TCF20: variants seen among roughly 807,000 people sequenced by gnomAD.
TCF20 encodes SPRE-binding protein.
Under a neutral mutation model 148.6 loss-of-function variants are expected in TCF20, and 3 were observed. That is an observed-to-expected ratio of 0.02 (90% CI 0.01 to 0.05). TCF20 has a LOEUF of 0.05. Ranked by LOEUF, TCF20 falls within the 10% of genes least tolerant of loss-of-function variation. The pLI, the probability that TCF20 is intolerant of heterozygous loss-of-function variation, is 1.00. For synonymous variants in TCF20, 1,049 were observed against 909.5 expected, an observed-to-expected ratio of 1.15 and a Z score of -2.76; for missense variants, 2,350 against 2,429.3, an observed-to-expected ratio of 0.97 and a Z score of 0.69.
At chr22:42,229,929 A>G (rs1250551328) in intron 1 of TCF20, among the ~76,000 whole-genome samples, 1 of 152,216 alleles carries the variant, frequency 6.6e-6, no homozygotes, top group Non-Finnish European at 1.5e-5. Context: ...TGTAACAAAC[A>G]TGTCTCACAT....
intron 1 of TCF20, among the ~76,000 whole-genome samples, chr22:42,233,224 A>C (rs1358894060): frequency 6.6e-6 from 1 of 152,156 alleles, no homozygotes; most frequent in East Asian, 1.9e-4. Context: ...ACCCAGCTGC[A>C]ATGCAATATA....
At chr22:42,240,896 C>G (rs752677091) in intron 1 of TCF20, among the ~76,000 whole-genome samples, 4 of 152,084 alleles carry the variant, frequency 2.6e-5, no homozygotes, top group Admixed American at 6.5e-5. Context: ...CTCTGTCCCC[C>G]CCAGGCTGGA....
intron 1 of TCF20, among the ~76,000 whole-genome samples, chr22:42,244,556 G>A (rs1924747607): frequency 6.6e-6 from 1 of 152,268 alleles, no homozygotes; most frequent in East Asian, 1.9e-4. Context: ...CATATTGTAC[G>A]ATTCCATCTA....
chr22:42,321,248 A>G (rs1239774150), intron 1 of TCF20, among the ~76,000 whole-genome samples: 1 of 152,198 alleles, frequency 6.6e-6, no homozygotes, highest in Non-Finnish European at 1.5e-5. Context: ...GCCTGGCACC[A>G]GGGATGGGCA....
chr22:42,231,348 G>T (rs1192362752), intron 1 of TCF20, among the ~76,000 whole-genome samples: 1 of 152,106 alleles, frequency 6.6e-6, no homozygotes, highest in Non-Finnish European at 1.5e-5. Flanking sequence ...GCCAAGCACG[G>T]TGGTATGCAC....
rs567571695 is a variant in TCF20, at chr22:42,263,088, A to C, written c.-37+7251T>G. On this transcript the variant is annotated intron_variant, in intron 1 of 5. Transcript: ENST00000677622. ...TTAGTGCCTTCCCCCAACAGCCCAAAAGAAGATATATCTCCGTTGCACAGA... is the reference window on the plus strand; with the variant it reads ...TTAGTGCCTTCCCCCAACAGCCCAACAGAAGATATATCTCCGTTGCACAGA... 8.5e-5 allele frequency among the ~76,000 whole-genome samples: 13 copies of C among 152,230 alleles called. No homozygotes were observed. The East Asian group carries it at 2.3e-3, about 27-fold the overall frequency.
At chr22:42,306,161 C>T (rs1428123982) in intron 1 of TCF20, among the ~76,000 whole-genome samples, 2 of 152,256 alleles carry the variant, frequency 1.3e-5, no homozygotes, top group Non-Finnish European at 2.9e-5. Context: ...ATGGCTAAGC[C>T]GGAGACGGAG....
chr22:42,200,493 T>C (rs1937926702), intron 2 of TCF20, among the ~76,000 whole-genome samples: 1 of 151,906 alleles, frequency 6.6e-6, no homozygotes, highest in African/African-American at 2.4e-5. Flanking sequence ...AATACAAAAA[T>C]TAGTCGGCAT....
intron 5 of TCF20, among the ~76,000 whole-genome samples, chr22:42,166,289 C>T (rs1418456736): frequency 4.6e-5 from 7 of 152,192 alleles, no homozygotes; most frequent in Admixed American, 6.5e-5. Flanking sequence ...TGTGCTTCAA[C>T]CCAGAAGGAT....
At chr22:42,162,906 C>A (rs902240967) in intron 5 of TCF20, among the ~76,000 whole-genome samples, 1 of 152,178 alleles carries the variant, frequency 6.6e-6, no homozygotes, top group African/African-American at 2.4e-5. Flanking sequence ...TAAGCAGGAA[C>A]ACACACAGAG....
chr22:42,170,464 A>G (rs1381168189), intron 3 of TCF20, among the ~76,000 whole-genome samples: 1 of 151,538 alleles, frequency 6.6e-6, no homozygotes, highest in Non-Finnish European at 1.5e-5. Context: ...CTACTATCAC[A>G]TCACTGCACT....
chr22:42,209,610 A>T (rs1355345782), intron 2 of TCF20, 41 bp downstream of exon 2: 2 of 1,541,626 alleles, frequency 1.3e-6, no homozygotes, highest in Non-Finnish European at 1.7e-6. Context: ...GAACCAAATG[A>T]AATAAAAATC....
intron 1 of TCF20, among the ~76,000 whole-genome samples, chr22:42,221,054 C>T (rs1424668961): frequency 4.6e-5 from 7 of 152,212 alleles, no homozygotes; most frequent in Admixed American, 4.6e-4. Context: ...CCAAGCTCTC[C>T]TCTGCAGATC....
intron 1 of TCF20, among the ~76,000 whole-genome samples, chr22:42,312,685 G>A (rs1927557127): frequency 6.6e-6 from 1 of 152,096 alleles, no homozygotes; most frequent in South Asian, 2.1e-4. Context: ...TTGCTGTCAG[G>A]TCCCGGTCAC....
chr22:42,283,184 C>G (rs530467169), intron 1 of TCF20, among the ~76,000 whole-genome samples: 1 of 152,372 alleles, frequency 6.6e-6, no homozygotes, highest in Admixed American at 6.5e-5. Flanking sequence ...GGCCCTCGCT[C>G]CGTGCCCATC....
At chr22:42,179,166 T>C (rs1233236321) in intron 3 of TCF20, among the ~76,000 whole-genome samples, 1 of 152,016 alleles carries the variant, frequency 6.6e-6, no homozygotes, top group Non-Finnish European at 1.5e-5. Flanking sequence ...GTCTGACAGT[T>C]CCTTAAAAGG....
chr22:42,253,071 A>G (rs1730174897), intron 1 of TCF20, among the ~76,000 whole-genome samples: 1 of 152,142 alleles, frequency 6.6e-6, no homozygotes, highest in African/African-American at 2.4e-5. Context: ...GGGCCATAGG[A>G]AAAAAACAAC....
intron 1 of TCF20, among the ~76,000 whole-genome samples, chr22:42,256,597 A>C (rs888821720): frequency 2.0e-5 from 3 of 152,210 alleles, no homozygotes; most frequent in Non-Finnish European, 4.4e-5. Context: ...GACTTTCAAC[A>C]AGAGAAGATG....
chr22:42,278,136 C>A, intron 1 of TCF20: 1 of 152,380 alleles, frequency 6.6e-6, no homozygotes. Context: ...CTGTGCACAC[C>A]CAGCCTGGGC....
Sources: gnomAD v4.1 joint callset for allele counts (sites outside exome capture counted in the v4.1 genomes callset) on GRCh38, gnomAD v4.1.1 for gene constraint, MANE v1.5 for transcripts, NCBI Gene and HGNC (gene_info 2026-07-23, HGNC 2026-07-21) for gene names.